The following PARD3B variants were observed in gnomAD, a reference collection of about 807,000 sequenced individuals.
PARD3B encodes partitioning defective 3 homolog B.
PARD3B carries 103 observed loss-of-function variants against 130.2 expected under a neutral mutation model. The ratio of observed to expected loss-of-function variants is 0.79; its 90% confidence interval spans 0.67 to 0.93. PARD3B has a LOEUF of 0.93. Among genes scored for constraint, PARD3B ranks in the 40% least tolerant of loss-of-function variants. PARD3B has a pLI of 0.00. For missense variants in PARD3B, 1,609 were observed against 1,499.2 expected, an observed-to-expected ratio of 1.07 and a Z score of -1.21; for synonymous variants, 583 against 553.2, an observed-to-expected ratio of 1.05 and a Z score of -0.76.
At chr2:205,145,425 C>A (rs931198015) in intron 10 of PARD3B, among the ~76,000 whole-genome samples, 1 of 152,166 alleles carries the variant, frequency 6.6e-6, no homozygotes, top group Non-Finnish European at 1.5e-5. Flanking sequence ...AATTTCAGAA[C>A]GTACCTGCTG....
intron 1 of PARD3B, among the ~76,000 whole-genome samples, chr2:204,644,837 T>G (rs1052770848): frequency 2.0e-5 from 3 of 152,176 alleles, no homozygotes; most frequent in African/African-American, 7.2e-5. Context: ...TATGATACTT[T>G]TATAAAAAAA....
At chr2:205,036,384 CTA>C (rs1432670772) in intron 3 of PARD3B, among the ~76,000 whole-genome samples, 1 of 136,592 alleles carries the variant, frequency 7.3e-6, no homozygotes, top group Admixed American at 7.5e-5. Flanking sequence ...ATATAGCAGA[CTA>C]TATAAAAAAT....
chr2:205,004,997 A>T (rs960790963), intron 3 of PARD3B, among the ~76,000 whole-genome samples: 1 of 152,128 alleles, frequency 6.6e-6, no homozygotes, highest in Non-Finnish European at 1.5e-5. Context: ...CATCACTTTC[A>T]TACTCCACAA....
intron 22 of PARD3B, among the ~76,000 whole-genome samples, chr2:205,615,161 T>C (rs1386532955): frequency 1.3e-5 from 2 of 152,248 alleles, no homozygotes; most frequent in Non-Finnish European, 2.9e-5. Flanking sequence ...CTGATTGACA[T>C]GGTGGCTCCA....
intron 2 of PARD3B, among the ~76,000 whole-genome samples, chr2:204,788,513 T>C (rs2042090370): frequency 1.3e-5 from 2 of 152,250 alleles, no homozygotes; most frequent in South Asian, 2.1e-4. Context: ...TCTTTTCTTA[T>C]GTTTTATCAA....
chr2:204,808,912 C>T (rs772724799), intron 2 of PARD3B, among the ~76,000 whole-genome samples: 4 of 151,466 alleles, frequency 2.6e-5, no homozygotes, highest in African/African-American at 4.8e-5. Flanking sequence ...CACCACACTG[C>T]TTTTCATTTT....
intron 1 of PARD3B, among the ~76,000 whole-genome samples, chr2:204,666,362 A>G (rs559753385): frequency 6.6e-6 from 1 of 152,300 alleles, no homozygotes; most frequent in South Asian, 2.1e-4. Context: ...CTAATATTAA[A>G]CTAGAGAGGG....
intron 3 of PARD3B, among the ~76,000 whole-genome samples, chr2:205,019,032 G>GTT (rs998060626): frequency 6.6e-6 from 1 of 152,028 alleles, no homozygotes; most frequent in African/African-American, 2.4e-5. Context: ...CAATTAATTG[G>GTT]TTTTTAGCAT....
chr2:205,154,248 A>C (rs988789545), intron 10 of PARD3B, among the ~76,000 whole-genome samples: 7 of 152,228 alleles, frequency 4.6e-5, no homozygotes, highest in Non-Finnish European at 1.0e-4. Flanking sequence ...ATATGAAAAA[A>C]CACTTCTCAA....
chr2:205,031,849 C>T (rs1368679209), intron 3 of PARD3B, among the ~76,000 whole-genome samples: 2 of 152,030 alleles, frequency 1.3e-5, no homozygotes, highest in East Asian at 1.9e-4. Flanking sequence ...TAAGCTTTCT[C>T]GTTCTGATAA....
intron 18 of PARD3B, among the ~76,000 whole-genome samples, chr2:205,326,011 A>C (rs920811158): frequency 2.0e-5 from 3 of 152,214 alleles, no homozygotes; most frequent in African/African-American, 7.2e-5. Flanking sequence ...AATCTGTGAA[A>C]ACTGCCTAAT....
chr2:205,607,835 C>CCCAT (rs779456579), intron 22 of PARD3B, among the ~76,000 whole-genome samples: 7,825 of 84,994 alleles, frequency 0.092, 337 homozygotes, highest in African/African-American at 0.14. Flanking sequence ...CACCCATACA[C>CCCAT]ACACACACAC....
At chr2:205,576,173 C>T (rs537005531) in intron 22 of PARD3B, among the ~76,000 whole-genome samples, 1 of 152,202 alleles carries the variant, frequency 6.6e-6, no homozygotes, top group Non-Finnish European at 1.5e-5. Context: ...TGTATATCTT[C>T]TTTGATGAGG....
chr2:205,008,409 C>A (rs943175565), intron 3 of PARD3B, among the ~76,000 whole-genome samples: 1 of 151,566 alleles, frequency 6.6e-6, no homozygotes, highest in African/African-American at 2.4e-5. Context: ...AATTTCCCTT[C>A]TGTACTTTCA....
At chr2:205,052,419 G>GTGTATATATATA (rs1467760914) in intron 4 of PARD3B, among the ~76,000 whole-genome samples, 7 of 39,762 alleles carry the variant, frequency 1.8e-4, no homozygotes, top group African/African-American at 4.6e-4. Context: ...ATATATATAT[G>GTGTATATATATA]TATATATATA....
At chr2:205,296,891 A>T (rs2041817381) in intron 16 of PARD3B, among the ~76,000 whole-genome samples, 2 of 150,374 alleles carry the variant, frequency 1.3e-5, no homozygotes, top group Admixed American at 6.6e-5. Context: ...AAAAAAAAAT[A>T]TGTGGCATTT....
chr2:204,890,542 G>C lies in PARD3B; in HGVS notation c.223-74610G>C, dbSNP rs2046407036. 6.6e-6 allele frequency among the ~76,000 whole-genome samples: 1 copy of C among 152,090 alleles called. No homozygotes were observed. Among genetic ancestry groups the C allele is most frequent in the South Asian group, 2.1e-4 (1 of 4,828 alleles). On this transcript the variant is annotated intron_variant, in intron 2 of 22. Transcript: ENST00000406610. This position sits in a 1 kb window ranked among gnomAD's most constrained non-coding sequence, Gnocchi z 4.9. ...AACAGTATGTTAATGGATTTTCCTTGTTTTGGGTACCATCATTGATTTCCA... is the reference window on the plus strand; with the variant it reads ...AACAGTATGTTAATGGATTTTCCTTCTTTTGGGTACCATCATTGATTTCCA...
intron 20 of PARD3B, among the ~76,000 whole-genome samples, chr2:205,498,466 C>A (rs2050028320): frequency 6.6e-6 from 1 of 151,704 alleles, no homozygotes; most frequent in Admixed American, 6.6e-5. Flanking sequence ...AGTGCCATAG[C>A]ACTCCAGCCT....
chr2:205,453,589 A>T (rs531344559), intron 20 of PARD3B, among the ~76,000 whole-genome samples: 57 of 152,296 alleles, frequency 3.7e-4, no homozygotes, highest in African/African-American at 1.3e-3. Flanking sequence ...GGTGACACAG[A>T]TAATAAGTCG....
Sources: allele counts gnomAD v4.1 joint callset (sites outside exome capture counted in the v4.1 genomes callset), GRCh38; gene constraint gnomAD v4.1.1; non-coding constraint Gnocchi (gnomAD v3.1); transcripts MANE v1.5; gene names NCBI Gene and HGNC (gene_info 2026-07-23, HGNC 2026-07-21).